PTPRD: variants seen among roughly 807,000 people sequenced by gnomAD.
PTPRD encodes receptor-type tyrosine-protein phosphatase delta.
Under a neutral mutation model 214.5 loss-of-function variants are expected in PTPRD, and 34 were observed. The ratio of observed to expected loss-of-function variants is 0.16; its 90% CI spans 0.12 to 0.21. The LOEUF is 0.21. Ranked by LOEUF, PTPRD falls within the 10% of genes least tolerant of loss-of-function variation. PTPRD has a pLI of 1.00. For missense variants in PTPRD, 2,545 were observed against 2,398.7 expected (o/e 1.06, Z -1.27); for synonymous variants, 1,128 against 845.7 (o/e 1.33, Z -5.79).
chr9:8,958,992 T>TA (rs143117545), intron 11 of PTPRD: 19,248 of 152,014 alleles, frequency 0.13, 1,349 homozygotes, highest in South Asian at 0.21. Flanking sequence ...ATGTACCTTA[T>TA]ATGATCATGG....
At chr9:10,022,857 A>T (rs1422765701) in intron 4 of PTPRD, among the ~76,000 whole-genome samples, 1 of 152,196 alleles carries the variant, frequency 6.6e-6, no homozygotes, top group Non-Finnish European at 1.5e-5. Flanking sequence ...TATAGAGCAG[A>T]TAGCCCATTG....
At chr9:10,185,058 C>T (rs1593445792) in intron 3 of PTPRD, among the ~76,000 whole-genome samples, 1 of 152,104 alleles carries the variant, frequency 6.6e-6, no homozygotes, top group Admixed American at 6.5e-5. Context: ...AAACAAACAA[C>T]ATCATGAAAG....
intron 9 of PTPRD, among the ~76,000 whole-genome samples, chr9:9,372,179 T>C (rs1353449116): frequency 6.6e-6 from 1 of 152,090 alleles, no homozygotes; most frequent in East Asian, 1.9e-4. Flanking sequence ...GTTAACTTTC[T>C]GTCTCGTTGA....
intron 2 of PTPRD, among the ~76,000 whole-genome samples, chr9:10,449,579 C>CGTCT (rs926591546): frequency 4.0e-5 from 6 of 151,500 alleles, no homozygotes; most frequent in African/African-American, 1.5e-4. Context: ...GCCGCCATCC[C>CGTCT]GTCTAAGTGA....
chr9:8,935,287 AT>A (rs1272832758), intron 11 of PTPRD, among the ~76,000 whole-genome samples: 1 of 152,218 alleles, frequency 6.6e-6, no homozygotes, highest in Non-Finnish European at 1.5e-5. Context: ...TTAAAAATCA[AT>A]TGCATTTCTA....
intron 11 of PTPRD, among the ~76,000 whole-genome samples, chr9:8,905,560 G>A (rs2098701763): frequency 6.6e-6 from 1 of 151,958 alleles, no homozygotes; most frequent in African/African-American, 2.4e-5. Flanking sequence ...CCAATGTGGT[G>A]AAACCCCTTC....
chr9:9,837,296 T>C (rs2057044522), intron 5 of PTPRD, among the ~76,000 whole-genome samples: 2 of 152,112 alleles, frequency 1.3e-5, no homozygotes, highest in Non-Finnish European at 2.9e-5. Context: ...GACTATTCTT[T>C]TGAGAGGATG....
chr9:8,852,104 C>T (rs2097828982), intron 11 of PTPRD, among the ~76,000 whole-genome samples: 1 of 151,970 alleles, frequency 6.6e-6, no homozygotes, highest in South Asian at 2.1e-4. Flanking sequence ...CCAATCATTA[C>T]AGAGGATCAC....
At chr9:8,698,554 CTTT>C in intron 12 of PTPRD, among the ~76,000 whole-genome samples, 1 of 152,262 alleles carries the variant, frequency 6.6e-6, no homozygotes. Flanking sequence ...TACATCTGTA[CTTT>C]ATCAAGGCCT....
intron 8 of PTPRD, among the ~76,000 whole-genome samples, chr9:9,488,145 C>T (rs537473100): frequency 1.4e-4 from 22 of 152,030 alleles, no homozygotes; most frequent in South Asian, 4.2e-4. Flanking sequence ...GTAAATAATG[C>T]GGAATATTTT....
At chr9:8,405,242 A>T (rs12000147) in intron 35 of PTPRD, among the ~76,000 whole-genome samples, 5,366 of 152,248 alleles carry the variant, frequency 0.035, 309 homozygotes, top group African/African-American at 0.12. Flanking sequence ...ACGAACAGTA[A>T]AGAAGGGAGG....
chr9:8,872,473 T>G lies in PTPRD; in HGVS notation c.-103-138527A>C, dbSNP rs556932030. Among the ~76,000 whole-genome samples the G allele has an allele frequency of 3.9e-5, 6 of 152,332 alleles. No individual in the cohort carries two copies. In the East Asian group the frequency reaches 1.2e-3, roughly 29 times the overall value. On this transcript the variant is annotated intron_variant, in intron 11 of 45. Coordinates refer to ENST00000381196, the MANE Select transcript of PTPRD (RefSeq NM_002839.4). ...TGTGTAAAACTGGGAATATGGAGCT[T>G]GTATTAAAAACACAATAAAGAAAAC...
chr9:8,722,092 T>A (rs1448674528), intron 12 of PTPRD, among the ~76,000 whole-genome samples: 1 of 151,724 alleles, frequency 6.6e-6, no homozygotes, highest in Non-Finnish European at 1.5e-5. Context: ...AAATGTTAAA[T>A]AGCTGATTTC....
chr9:9,886,188 G>C (rs898686680), intron 5 of PTPRD, among the ~76,000 whole-genome samples: 1 of 151,964 alleles, frequency 6.6e-6, no homozygotes, highest in Admixed American at 6.6e-5. Context: ...AGCAAGATTA[G>C]GCCCTAACCA....
intron 3 of PTPRD, among the ~76,000 whole-genome samples, chr9:10,279,128 G>A (rs774594766): frequency 6.6e-6 from 1 of 151,892 alleles, no homozygotes; most frequent in African/African-American, 2.4e-5. Context: ...ACTTCTCTTT[G>A]GATAATCAAT....
At chr9:8,645,030 C>A (rs1452376961) in intron 12 of PTPRD, among the ~76,000 whole-genome samples, 1 of 152,156 alleles carries the variant, frequency 6.6e-6, no homozygotes, top group African/African-American at 2.4e-5. Flanking sequence ...AAATTACAAG[C>A]TAGAAAATTA....
At chr9:9,606,644 T>C (rs1328905069) in intron 7 of PTPRD, among the ~76,000 whole-genome samples, 2 of 152,038 alleles carry the variant, frequency 1.3e-5, no homozygotes, top group Non-Finnish European at 1.5e-5. Context: ...TCCTGAATTT[T>C]AGCCTGTAGA....
chr9:9,965,709 A>C (rs1460049447), intron 4 of PTPRD, among the ~76,000 whole-genome samples: 1 of 152,170 alleles, frequency 6.6e-6, no homozygotes, highest in Non-Finnish European at 1.5e-5. Context: ...TTTGGCTGTA[A>C]GTGTTGGGTA....
At chr9:8,702,961 G>A (rs1319390618) in intron 12 of PTPRD, among the ~76,000 whole-genome samples, 1 of 152,140 alleles carries the variant, frequency 6.6e-6, no homozygotes, top group Non-Finnish European at 1.5e-5. Context: ...GACATTTTGG[G>A]GAGAGTTAGC....
Sources: gnomAD v4.1 joint callset for allele counts (sites outside exome capture counted in the v4.1 genomes callset) on GRCh38, gnomAD v4.1.1 for gene constraint, MANE v1.5 for transcripts, NCBI Gene and HGNC (gene_info 2026-07-23, HGNC 2026-07-21) for gene names.